Variants in FAM120B observed in about 807,000 individuals in gnomAD.
The protein encoded by FAM120B is constitutive coactivator of peroxisome proliferator-activated receptor gamma.
In FAM120B, 83 loss-of-function variants were observed where a neutral mutation model predicts 96.3. The observed-to-expected ratio is 0.86, with a 90% CI of 0.72 to 1.03. The LOEUF (loss-of-function observed/expected upper bound fraction) is 1.03, where lower values mean the gene tolerates loss of function less well. Among genes scored for constraint, FAM120B ranks in the 50% least tolerant of loss-of-function variants. FAM120B has a pLI of 0.00. For missense variants in FAM120B, 1,027 were observed against 1,121.2 expected, an observed-to-expected ratio of 0.92 and a Z score of 1.20; for synonymous variants, 407 against 402.7, an observed-to-expected ratio of 1.01 and a Z score of -0.13.
At chr6:170,345,282 A>G (rs1019365730) in intron 4 of FAM120B, among the ~76,000 whole-genome samples, 42 of 152,084 alleles carry the variant, frequency 2.8e-4, no homozygotes, top group African/African-American at 8.9e-4. Flanking sequence ...GCCCTGCCCC[A>G]ATTTGTTTGT....
chr6:170,361,220 A>G lies in FAM120B; in HGVS notation c.2283+2902A>G, dbSNP rs796894556. Among the ~76,000 whole-genome samples the G allele has an allele frequency of 9.6e-4, 105 of 109,916 alleles. 1 individual carries two copies. Among genetic ancestry groups the G allele is most frequent in the East Asian group, 3.4e-3 (6 of 1,776 alleles). 72.1% of individuals were successfully genotyped at this position (109,916 alleles called of 152,430 possible). ...CGTGTATATATATATATATATATAT[A>G]TATATATATATATATACACGTATAT... On this transcript the variant is annotated intron_variant, in intron 6 of 10. Coordinates refer to ENST00000476287, the MANE Select transcript of FAM120B (RefSeq NM_032448.3).
intron 5 of FAM120B, among the ~76,000 whole-genome samples, chr6:170,355,158 T>A (rs1488662335): frequency 2.0e-5 from 3 of 152,042 alleles, no homozygotes; most frequent in Non-Finnish European, 4.4e-5. Context: ...GAAGACAGTG[T>A]TGTGATTCCT....
intron 6 of FAM120B, among the ~76,000 whole-genome samples, chr6:170,360,583 C>T (rs1284179886): frequency 1.3e-5 from 2 of 152,228 alleles, no homozygotes; most frequent in Non-Finnish European, 2.9e-5. Flanking sequence ...CAGCCATCCA[C>T]TCAGCAGCAC....
chr6:170,398,174 G>A (rs1174969502), intron 9 of FAM120B, among the ~76,000 whole-genome samples: 3 of 152,202 alleles, frequency 2.0e-5, no homozygotes, highest in Non-Finnish European at 4.4e-5. Context: ...ATCGCCACAG[G>A]CAACGCACTG....
chr6:170,323,300 G>T, intron 3 of FAM120B, 41 bp downstream of exon 3: 1 of 1,542,694 alleles, frequency 6.5e-7, no homozygotes, highest in Non-Finnish European at 8.8e-7. Flanking sequence ...GTTCTATTTG[G>T]AGTTGAGTTC....
At chr6:170,374,651 A>G (rs1789403441) in intron 6 of FAM120B, among the ~76,000 whole-genome samples, 1 of 152,236 alleles carries the variant, frequency 6.6e-6, no homozygotes, top group African/African-American at 2.4e-5. Flanking sequence ...TTTCAAGAGC[A>G]AACTTTTCAG....
intron 1 of FAM120B, among the ~76,000 whole-genome samples, chr6:170,299,112 A>C (rs1360476235): frequency 1.3e-5 from 2 of 152,262 alleles, no homozygotes; most frequent in East Asian, 1.9e-4. Flanking sequence ...TAGGATTGCT[A>C]TTTCCTCCTT....
chr6:170,368,393 G>A (rs971734163), intron 6 of FAM120B, among the ~76,000 whole-genome samples: 3 of 152,188 alleles, frequency 2.0e-5, no homozygotes, highest in African/African-American at 7.2e-5. Context: ...TCTTTACTCA[G>A]TGCTGCTCTT....
intron 4 of FAM120B, among the ~76,000 whole-genome samples, chr6:170,347,726 T>C (rs1340889793): frequency 6.6e-6 from 1 of 152,176 alleles, no homozygotes; most frequent in East Asian, 1.9e-4. Flanking sequence ...TTGATTCTTT[T>C]GCACATGAAA....
intron 4 of FAM120B, among the ~76,000 whole-genome samples, chr6:170,332,361 A>G (rs939305459): frequency 6.6e-6 from 1 of 152,214 alleles, no homozygotes; most frequent in African/African-American, 2.4e-5. Context: ...AGAACATCCA[A>G]TTGCCTGTCA....
intron 6 of FAM120B, among the ~76,000 whole-genome samples, chr6:170,359,429 T>C (rs549683921): frequency 1.3e-5 from 2 of 152,114 alleles, no homozygotes; most frequent in African/African-American, 4.8e-5. Flanking sequence ...ACTTATTTTT[T>C]TTTTGGTGTT....
intron 3 of FAM120B, among the ~76,000 whole-genome samples, chr6:170,328,623 A>T (rs1364950625): frequency 6.6e-6 from 1 of 152,074 alleles, no homozygotes; most frequent in African/African-American, 2.4e-5. Flanking sequence ...TGCCCCCTTC[A>T]TGGGATTCTT....
chr6:170,327,848 G>A (rs1785708432), intron 3 of FAM120B, among the ~76,000 whole-genome samples: 1 of 151,128 alleles, frequency 6.6e-6, no homozygotes, highest in East Asian at 2.0e-4. Context: ...GTCCATGAGT[G>A]AGTGAAGAGT....
At chr6:170,387,977 C>T (rs1416600555) in intron 6 of FAM120B, among the ~76,000 whole-genome samples, 1 of 152,202 alleles carries the variant, frequency 6.6e-6, no homozygotes, top group Non-Finnish European at 1.5e-5. Flanking sequence ...AGGCAAGAGA[C>T]ACTGTGCTCA....
Position 170,376,484 on chromosome 6 carries a change from G to A in FAM120B, c.2284-11803G>A, listed in dbSNP as rs546315285. ...TCATAGTGTCGAGGAACACGGGGGT[G>A]GGGGGGAGGCGGGCAGCGGGGCGTT... On this transcript the variant is annotated intron_variant, in intron 6 of 10. Coordinates refer to ENST00000476287, the MANE Select transcript of FAM120B (RefSeq NM_032448.3). Among the ~76,000 whole-genome samples, 6 of 151,918 alleles carry A rather than the reference G, an allele frequency of 3.9e-5. No individual in the cohort carries two copies. In the South Asian group the frequency reaches 6.2e-4, roughly 16 times the overall value.
chr6:170,296,075 C>A (rs1783994461), intron 1 of FAM120B, among the ~76,000 whole-genome samples: 1 of 152,138 alleles, frequency 6.6e-6, no homozygotes, highest in African/African-American at 2.4e-5. Flanking sequence ...GCGTGTTTAC[C>A]TGCGGCCGGA....
intron 1 of FAM120B, among the ~76,000 whole-genome samples, chr6:170,307,821 G>A (rs770141652): frequency 1.5e-4 from 23 of 152,164 alleles, no homozygotes; most frequent in Non-Finnish European, 2.4e-4. Context: ...TGGAAACCCC[G>A]AAATGGTAGT....
intron 4 of FAM120B, among the ~76,000 whole-genome samples, chr6:170,334,966 T>G (rs1786312594): frequency 6.6e-6 from 1 of 152,168 alleles, no homozygotes; most frequent in Non-Finnish European, 1.5e-5. Context: ...TTTTGCTTAT[T>G]ATAAATAGGC....
At chr6:170,397,695 G>A (rs1296973865) in intron 9 of FAM120B, among the ~76,000 whole-genome samples, 2 of 152,192 alleles carry the variant, frequency 1.3e-5, no homozygotes, top group African/African-American at 4.8e-5. Context: ...GTGGAGTAAA[G>A]CTACTGGGTG....
Sources: gnomAD v4.1 joint callset for allele counts (sites outside exome capture counted in the v4.1 genomes callset) on GRCh38, gnomAD v4.1.1 for gene constraint, MANE v1.5 for transcripts, NCBI Gene and HGNC (gene_info 2026-07-23, HGNC 2026-07-21) for gene names.